Variants in C1QTNF3 observed in about 807,000 individuals in gnomAD.
C1QTNF3 encodes the protein complement C1q tumor necrosis factor-related protein 3.
C1QTNF3 carries 26 observed loss-of-function variants against 32.6 expected under a neutral mutation model. That is an observed-to-expected ratio of 0.80 (90% CI 0.58 to 1.11). The LOEUF (loss-of-function observed/expected upper bound fraction) is 1.11. C1QTNF3 is among the 50% of genes least tolerant of loss of function. The pLI is 0.00. For synonymous variants in C1QTNF3, 155 were observed against 146.0 expected, an observed-to-expected ratio of 1.06 and a Z score of -0.44; for missense variants, 362 against 398.2, an observed-to-expected ratio of 0.91 and a Z score of 0.77.
chr5:34,020,415 C>A lies in C1QTNF3; in HGVS notation c.*168G>T, dbSNP rs540795482. The A allele has an allele frequency of 1.3e-6, 1 of 756,816 alleles. No homozygotes were observed. Among genetic ancestry groups the A allele is most frequent in the Non-Finnish European group, 2.2e-6 (1 of 463,236 alleles). 46.9% of individuals were successfully genotyped at this position (756,816 alleles called of 1,614,324 possible). A position where few individuals can be genotyped will look rare whatever the true frequency, so the allele number is the denominator to read the frequency against. On this transcript the variant is annotated 3_prime_UTR_variant, in exon 6 of 6. Transcript: ENST00000382065. The stretch of plus-strand genomic sequence containing the variant: ...CTATTTTGTGGTTGATTCTTCTGAG[C>A]CCCTGAATTGTCCAACATTATTGGT...
chr5:34,184,715 C>CAAAAAAAAAAAAAAA, the C1QTNF3 span, among the ~76,000 whole-genome samples: 2 of 129,556 alleles, frequency 1.5e-5, no homozygotes, highest in Admixed American at 7.5e-5. Context: ...GACTCTGTCT[C>CAAAAAAAAAAAAAAA]AAAAAAAAAA....
chr5:34,064,284 G>A, the C1QTNF3 span, among the ~76,000 whole-genome samples: 12 of 152,256 alleles, frequency 7.9e-5, no homozygotes, highest in East Asian at 7.7e-4. Flanking sequence ...ATACCCATAC[G>A]GGCCACCAGA....
the C1QTNF3 span, among the ~76,000 whole-genome samples, chr5:34,129,606 T>C: frequency 6.6e-6 from 1 of 152,028 alleles, no homozygotes; most frequent in African/African-American, 2.4e-5. Flanking sequence ...CTGTCAATAT[T>C]CAATATAATA....
the C1QTNF3 span, among the ~76,000 whole-genome samples, chr5:34,241,934 A>AGGGAGGAAGGGAGGGAG: frequency 8.1e-6 from 1 of 123,374 alleles, no homozygotes; most frequent in East Asian, 2.7e-4. Context: ...GATGGACGGA[A>AGGGAGGAAGGGAGGGAG]GGGAGGAAGG....
chr5:34,030,495 G>A (rs2008827), intron 3 of C1QTNF3, among the ~76,000 whole-genome samples: 1 of 152,048 alleles, frequency 6.6e-6, no homozygotes, highest in African/African-American at 2.4e-5. Context: ...TGGAGAATGG[G>A]GTAGTACTCT....
At chr5:34,150,660 CA>C in the C1QTNF3 span, among the ~76,000 whole-genome samples, 1 of 3,226 alleles carries the variant, frequency 3.1e-4, no homozygotes, top group Non-Finnish European at 6.2e-4. Flanking sequence ...CCAACGAGAA[CA>C]AAGACACCAC....
chr5:34,187,648 A>G, the C1QTNF3 span, among the ~76,000 whole-genome samples: 1 of 152,306 alleles, frequency 6.6e-6, no homozygotes, highest in Admixed American at 6.5e-5. Flanking sequence ...GGAAAGAGTC[A>G]AAATAAGAAT....
At chr5:34,154,627 T>C in the C1QTNF3 span, among the ~76,000 whole-genome samples, 2 of 152,192 alleles carry the variant, frequency 1.3e-5, no homozygotes, top group South Asian at 2.1e-4. Flanking sequence ...TGAAATGACT[T>C]TGTGGGCATT....
In C1QTNF3 at chr5:34,019,833, T is replaced by C. The variant is rs1754281047; in HGVS notation, c.*750A>G. 1 of 152,230 alleles carries C rather than the reference T, an allele frequency of 6.6e-6. No homozygotes were observed. Among genetic ancestry groups the C allele is most frequent in the Non-Finnish European group, 1.5e-5 (1 of 68,042 alleles). 9.4% of individuals were successfully genotyped at this position (152,230 alleles called of 1,614,324 possible). ...ATGTTCTTCAGATATAAAATCCCTCTGGTCAACATGCAACATTTGAATATC... is the reference window on the plus strand; with the variant it reads ...ATGTTCTTCAGATATAAAATCCCTCCGGTCAACATGCAACATTTGAATATC... On this transcript the variant is annotated 3_prime_UTR_variant, in exon 6 of 6. Coordinates refer to ENST00000382065, the MANE Select transcript of C1QTNF3 (RefSeq NM_181435.6).
At chr5:34,194,833 C>A in the C1QTNF3 span, among the ~76,000 whole-genome samples, 92 of 151,074 alleles carry the variant, frequency 6.1e-4, no homozygotes, top group African/African-American at 2.2e-3. Flanking sequence ...CTTTGCACAT[C>A]CTCCCATATA....
chr5:34,121,882 G>A, the C1QTNF3 span, among the ~76,000 whole-genome samples: 16 of 152,038 alleles, frequency 1.1e-4, 1 homozygote, highest in Admixed American at 9.8e-4. Flanking sequence ...ACCTCCCCCT[G>A]AGCTGTTCCG....
chr5:34,171,153 T>A, the C1QTNF3 span, among the ~76,000 whole-genome samples: 18 of 152,178 alleles, frequency 1.2e-4, no homozygotes, highest in African/African-American at 4.1e-4. Flanking sequence ...ATAAAGTCAT[T>A]TATTATGGGC....
At chr5:34,103,533 G>C in the C1QTNF3 span, among the ~76,000 whole-genome samples, 1 of 147,296 alleles carries the variant, frequency 6.8e-6, no homozygotes, top group African/African-American at 2.5e-5. Flanking sequence ...TTAAAAAACA[G>C]GTAGTCTGGA....
the C1QTNF3 span, among the ~76,000 whole-genome samples, chr5:34,212,573 C>T: frequency 1.3e-4 from 20 of 152,036 alleles, no homozygotes; most frequent in Admixed American, 3.9e-4. Context: ...AAACAAACAA[C>T]CCCATCAAAA....
chr5:34,209,016 C>G, the C1QTNF3 span, among the ~76,000 whole-genome samples: 5 of 152,144 alleles, frequency 3.3e-5, no homozygotes, highest in African/African-American at 4.8e-5. Flanking sequence ...TATTCACATC[C>G]GGTAAGTTTA....
the C1QTNF3 span, among the ~76,000 whole-genome samples, chr5:34,225,208 T>C: frequency 5.3e-5 from 8 of 151,902 alleles, no homozygotes; most frequent in Non-Finnish European, 1.0e-4. Flanking sequence ...TAGGAGGCTA[T>C]TGCAATAACA....
At chr5:34,118,946 G>A in the C1QTNF3 span, among the ~76,000 whole-genome samples, 1 of 151,878 alleles carries the variant, frequency 6.6e-6, no homozygotes. Flanking sequence ...ACATATATGT[G>A]TAGTGTGTGT....
chr5:34,139,355 CTTT>C, the C1QTNF3 span, among the ~76,000 whole-genome samples: 1 of 152,114 alleles, frequency 6.6e-6, no homozygotes, highest in East Asian at 1.9e-4. Context: ...TACCCAACTT[CTTT>C]AAGTACATTA....
chr5:34,120,366 C>T, the C1QTNF3 span, among the ~76,000 whole-genome samples: 1 of 151,426 alleles, frequency 6.6e-6, no homozygotes, highest in East Asian at 1.9e-4. Flanking sequence ...TCATAAATCA[C>T]ATTTTTTTTT....
Sources: gnomAD v4.1 joint callset for allele counts (sites outside exome capture counted in the v4.1 genomes callset) on GRCh38, gnomAD v4.1.1 for gene constraint, MANE v1.5 for transcripts, NCBI Gene and HGNC (gene_info 2026-07-23, HGNC 2026-07-21) for gene names.